Variants in C5orf24 observed in about 807,000 individuals in gnomAD.
The protein encoded by C5orf24 is UPF0461 protein C5orf24.
C5orf24 carries 4 observed loss-of-function variants against 9.8 expected under a neutral mutation model. That is an observed-to-expected ratio of 0.41 (90% CI 0.20 to 0.93). The LOEUF is 0.93. Ranked by LOEUF, C5orf24 falls within the 40% of genes least tolerant of loss-of-function variation. C5orf24 has a pLI of 0.33. For missense variants in C5orf24, 170 were observed against 236.9 expected, an observed-to-expected ratio of 0.72 and a Z score of 1.85; for synonymous variants, 73 against 81.3, an observed-to-expected ratio of 0.90 and a Z score of 0.55.
chr5:134,834,183 G>T, the C5orf24 span, among the ~76,000 whole-genome samples: 2 of 152,192 alleles, frequency 1.3e-5, no homozygotes, highest in Non-Finnish European at 2.9e-5. Context: ...TGCATACTGT[G>T]TAATAAGGGA....
At chr5:134,852,227 A>G (rs1756179539) in intron 1 of C5orf24, among the ~76,000 whole-genome samples, 1 of 152,254 alleles carries the variant, frequency 6.6e-6, no homozygotes, top group Non-Finnish European at 1.5e-5. Flanking sequence ...GGCGTGAGCC[A>G]CCGCGCCTGG....
chr5:134,842,470 G>C (rs1177199180), upstream of C5orf24, among the ~76,000 whole-genome samples: 2 of 151,872 alleles, frequency 1.3e-5, no homozygotes, highest in Non-Finnish European at 2.9e-5. Flanking sequence ...GACCCAGCCT[G>C]GGTGAAAGAG....
upstream of C5orf24, among the ~76,000 whole-genome samples, chr5:134,843,177 A>C (rs1360400348): frequency 2.6e-5 from 4 of 151,970 alleles, no homozygotes; most frequent in South Asian, 8.3e-4. Flanking sequence ...AGGTTTCGTC[A>C]TGTTGGCCAG....
intron 1 of C5orf24, among the ~76,000 whole-genome samples, chr5:134,850,960 C>T (rs1351539919): frequency 1.3e-5 from 2 of 149,262 alleles, no homozygotes; most frequent in African/African-American, 5.1e-5. Context: ...ACACACTACA[C>T]ACACATACAT....
upstream of C5orf24, among the ~76,000 whole-genome samples, chr5:134,840,898 T>A (rs1182395359): frequency 6.6e-6 from 1 of 152,220 alleles, no homozygotes; most frequent in Non-Finnish European, 1.5e-5. Flanking sequence ...TAGACATGAT[T>A]AATTAGCCAT....
the C5orf24 span, among the ~76,000 whole-genome samples, chr5:134,837,016 C>T: frequency 6.6e-6 from 1 of 151,844 alleles, no homozygotes; most frequent in Admixed American, 6.6e-5. Context: ...TCTTGTTGCC[C>T]AGGTTGGAGT....
At chr5:134,850,474 G>GT (rs1756125886) in intron 1 of C5orf24, among the ~76,000 whole-genome samples, 1 of 137,432 alleles carries the variant, frequency 7.3e-6, no homozygotes, top group African/African-American at 2.7e-5. Flanking sequence ...AAAATTGCAA[G>GT]TGTTTTTTTT....
At chr5:134,850,953 C>T (rs1756142049) in intron 1 of C5orf24, among the ~76,000 whole-genome samples, 1 of 148,842 alleles carries the variant, frequency 6.7e-6, no homozygotes, top group Non-Finnish European at 1.5e-5. Flanking sequence ...CACACACACA[C>T]ACTACACACA....
the C5orf24 span, among the ~76,000 whole-genome samples, chr5:134,836,812 G>T: frequency 6.6e-6 from 1 of 152,254 alleles, no homozygotes; most frequent in East Asian, 1.9e-4. Context: ...AAAGTGCTGG[G>T]ATTGCGGGCA....
chr5:134,839,486 C>T, the C5orf24 span, among the ~76,000 whole-genome samples: 1 of 152,074 alleles, frequency 6.6e-6, no homozygotes, highest in Non-Finnish European at 1.5e-5. Context: ...TGTCTGGTAA[C>T]AATAAATACT....
chr5:134,856,703 C>T lies in C5orf24; in HGVS notation c.*1236C>T, dbSNP rs1411631422. The T allele has an allele frequency of 1.6e-5, 16 of 977,282 alleles. No individual in the cohort carries two copies. Among genetic ancestry groups the T allele is most frequent in the South Asian group, 4.8e-5 (1 of 20,870 alleles). 60.5% of individuals were successfully genotyped at this position (977,282 alleles called of 1,614,324 possible). On this transcript the variant is annotated 3_prime_UTR_variant, in exon 2 of 2. Coordinates refer to ENST00000394976, the MANE Select transcript of C5orf24 (RefSeq NM_001135586.1). ...AATAAAACCATTTATTGATGTTGCT[C>T]ATTTATTTGGAACGTTTTTAGTTTT... is the stretch of plus-strand genomic sequence containing the variant.
rs1259088740 is a variant in C5orf24 at position 134,859,274 on chromosome 5, G to A, written c.*3807G>A. ...GTTTTTCAAAAGATTTTTTTCCTTG[G>A]ACATAAAAAATTTTGATGCTATTCT... is the stretch of plus-strand genomic sequence containing the variant. On this transcript the variant is annotated 3_prime_UTR_variant, in exon 2 of 2. Coordinates refer to ENST00000394976, the MANE Select transcript of C5orf24 (RefSeq NM_001135586.1). 6.0e-6 allele frequency: 1 copy of A among 166,712 alleles called. No individual in the cohort carries two copies. The highest frequency in any genetic ancestry group is 1.5e-5 in the Non-Finnish European group (1 of 68,010). 10.3% of individuals were successfully genotyped at this position (166,712 alleles called of 1,614,324 possible). A position where few individuals can be genotyped will look rare whatever the true frequency, so the allele number is the denominator to read the frequency against.
At chr5:134,838,364 G>A in the C5orf24 span, among the ~76,000 whole-genome samples, 2 of 152,124 alleles carry the variant, frequency 1.3e-5, no homozygotes, top group Non-Finnish European at 2.9e-5. Context: ...AAGTGGAATA[G>A]TGTGATGTTT....
chr5:134,857,638 A>AT lies in C5orf24; in HGVS notation c.*2172dup. The AT allele has an allele frequency of 2.5e-6, 1 of 405,800 alleles. No homozygotes were observed. Among genetic ancestry groups the AT allele is most frequent in the Non-Finnish European group, 4.4e-6 (1 of 229,608 alleles). 25.1% of individuals were successfully genotyped at this position (405,800 alleles called of 1,614,324 possible). A position where few individuals can be genotyped will look rare whatever the true frequency, so the allele number is the denominator to read the frequency against. On this transcript the variant is annotated 3_prime_UTR_variant, in exon 2 of 2. Transcript: ENST00000394976. ...TTTTTAATAATTTACTCAGAACAGT[A>AT]TAACTTCTGACACACACAAATGCTT...
At chr5:134,844,981 C>CAGG (rs1755954032), upstream of C5orf24, among the ~76,000 whole-genome samples, 1 of 152,200 alleles carries the variant, frequency 6.6e-6, no homozygotes, top group Non-Finnish European at 1.5e-5. Context: ...CGTGATCTGC[C>CAGG]CGCCTCGGCC....
intron 1 of C5orf24, among the ~76,000 whole-genome samples, chr5:134,847,826 A>C (rs1412865613): frequency 6.6e-6 from 1 of 151,264 alleles, no homozygotes; most frequent in Non-Finnish European, 1.5e-5. Flanking sequence ...CAGCCTCTGG[A>C]GTAGCTGGAG....
Position 134,857,171 on chromosome 5 carries a change from C to A in C5orf24, c.*1704C>A. The stretch of plus-strand genomic sequence containing the variant: ...TCAGACTTGAAAAAATTCCACTTAA[C>A]TTTAAAGTTACAATGTTTGTATTTG... On this transcript the variant is annotated 3_prime_UTR_variant, in exon 2 of 2. Coordinates refer to ENST00000394976, the MANE Select transcript of C5orf24 (RefSeq NM_001135586.1). 3 of 1,283,816 alleles carry A rather than the reference C, an allele frequency of 2.3e-6. No homozygotes were observed. Among genetic ancestry groups the A allele is most frequent in the Non-Finnish European group, 2.0e-6 (2 of 1,002,106 alleles). 79.5% of individuals were successfully genotyped at this position (1,283,816 alleles called of 1,614,324 possible).
Position 134,855,527 on chromosome 5 carries a change from T to C in C5orf24, c.*60T>C, listed in dbSNP as rs1756288133. 8 of 1,579,914 alleles carry C rather than the reference T, an allele frequency of 5.1e-6. No individual in the cohort carries two copies. In the Middle Eastern group the frequency reaches 1.0e-3, roughly 199 times the overall value. On this transcript the variant is annotated 3_prime_UTR_variant, in exon 2 of 2. Coordinates refer to ENST00000394976, the MANE Select transcript of C5orf24 (RefSeq NM_001135586.1). ...AGATTGTGAATAATCCCAAAGCTTC[T>C]TGGTTTTATTTTGATATACATAATT...
the C5orf24 span, among the ~76,000 whole-genome samples, chr5:134,835,611 C>T: frequency 1.3e-5 from 2 of 152,326 alleles, no homozygotes; most frequent in Middle Eastern, 3.4e-3. Flanking sequence ...CGTGCCAGTG[C>T]ACTCCAGCTT....
Sources: gnomAD v4.1 joint callset for allele counts (sites outside exome capture counted in the v4.1 genomes callset) on GRCh38, gnomAD v4.1.1 for gene constraint, MANE v1.5 for transcripts, NCBI Gene and HGNC (gene_info 2026-07-23, HGNC 2026-07-21) for gene names.